Variants in AR observed in about 807,000 individuals in gnomAD.
AR encodes the protein androgen receptor.
In AR, 8 loss-of-function variants were observed where a neutral mutation model predicts 53.9. The ratio of observed to expected loss-of-function variants is 0.15; its 90% CI spans 0.09 to 0.27. The LOEUF is 0.27. Among genes scored for constraint, AR ranks in the 10% least tolerant of loss-of-function variants. The pLI is 1.00. For synonymous variants in AR, 359 were observed against 316.4 expected (o/e 1.13, Z -1.43); for missense variants, 639 against 742.5 (o/e 0.86, Z 1.62).
At chrX:67,621,603 G>A (rs964618920) in intron 1 of AR, among the ~76,000 whole-genome samples, 1 of 110,835 alleles carries the variant, frequency 9.0e-6, no homozygotes, top group Non-Finnish European at 1.9e-5. Flanking sequence ...GTGAGAACGT[G>A]CAGTGTTTGG....
intron 5 of AR, among the ~76,000 whole-genome samples, chrX:67,720,358 T>A (rs1350382689): frequency 9.2e-6 from 1 of 109,066 alleles, no homozygotes; most frequent in Non-Finnish European, 1.9e-5. Flanking sequence ...CTTTCCTCCA[T>A]TCCCCACTTT....
chrX:67,691,395 A>G (rs1440505745), intron 3 of AR, among the ~76,000 whole-genome samples: 2 of 112,015 alleles, frequency 1.8e-5, no homozygotes, highest in African/African-American at 3.2e-5. Flanking sequence ...TATGATTTCT[A>G]TTGTCAAATA....
chrX:67,710,083 CGTGT>C (rs760335443), intron 3 of AR, among the ~76,000 whole-genome samples: 4 of 106,489 alleles, frequency 3.8e-5, no homozygotes, highest in Admixed American at 2.0e-4. Context: ...TGTGAGTGTG[CGTGT>C]GTGTGTGTGT....
intron 1 of AR, among the ~76,000 whole-genome samples, chrX:67,581,883 G>A (rs1922315005): frequency 1.8e-5 from 2 of 111,046 alleles, no homozygotes; most frequent in African/African-American, 6.5e-5. Flanking sequence ...CTCTAGGAAG[G>A]GAGAATGTGA....
At chrX:67,684,682 A>G (rs2075955882) in intron 2 of AR, among the ~76,000 whole-genome samples, 1 of 111,997 alleles carries the variant, frequency 8.9e-6, no homozygotes, top group Admixed American at 9.5e-5. Flanking sequence ...TTACTACAAT[A>G]AAACTAATCT....
intron 1 of AR, among the ~76,000 whole-genome samples, chrX:67,622,419 G>A (rs916088992): frequency 1.8e-5 from 2 of 111,728 alleles, no homozygotes; most frequent in Non-Finnish European, 3.8e-5. Context: ...ATTTATGAGA[G>A]TGATTCCAGG....
intron 1 of AR, among the ~76,000 whole-genome samples, chrX:67,601,113 A>G (rs1427851687): frequency 1.8e-5 from 2 of 112,245 alleles, no homozygotes; most frequent in Admixed American, 9.5e-5. Flanking sequence ...ATTTCTGGCA[A>G]ACTTGTTGAC....
chrX:67,625,560 T>C (rs963367631), intron 1 of AR, among the ~76,000 whole-genome samples: 5 of 111,555 alleles, frequency 4.5e-5, no homozygotes, highest in African/African-American at 1.3e-4. Flanking sequence ...GACAAACAGA[T>C]CAATAAATGG....
At chrX:67,624,363 G>A (rs1430139285) in intron 1 of AR, among the ~76,000 whole-genome samples, 1 of 111,900 alleles carries the variant, frequency 8.9e-6, no homozygotes, top group Non-Finnish European at 1.9e-5. Flanking sequence ...AACAAGTCCT[G>A]TAACAAAACT....
At chrX:67,677,590 T>A (rs1184254775) in intron 2 of AR, among the ~76,000 whole-genome samples, 2 of 112,106 alleles carry the variant, frequency 1.8e-5, no homozygotes, top group African/African-American at 6.5e-5. Flanking sequence ...GAATATAGCC[T>A]CTTATAAATC....
chrX:67,639,265 T>C (rs1000150253), intron 1 of AR, among the ~76,000 whole-genome samples: 24 of 112,184 alleles, frequency 2.1e-4, no homozygotes, highest in Non-Finnish European at 4.3e-4. Context: ...CCTCCAGCTT[T>C]GTGCTTTTGG....
intron 1 of AR, among the ~76,000 whole-genome samples, chrX:67,630,291 C>G (rs1306570279): frequency 4.4e-4 from 49 of 111,200 alleles, no homozygotes; most frequent in Middle Eastern, 4.7e-3. Flanking sequence ...TTGTAGGTCA[C>G]TAAGGACTTG....
Position 67,545,318 on chromosome X carries a change from CAG to C in AR, c.173_174del (p.Gln58ProfsTer25). On this transcript the variant is annotated frameshift_variant, in exon 1 of 8. Coordinates refer to ENST00000374690, the MANE Select transcript of AR (RefSeq NM_000044.6). LOFTEE classifies it high-confidence loss of function. ...APPGASLLLL[Q>X]QQQQQQQQQQ... ...TCCCGGCGCCAGTTTGCTGCTGCTGCAGCAGCAGCAGCAGCAGCAGCAGCAGC... is the reference window on the plus strand; with the variant it reads ...TCCCGGCGCCAGTTTGCTGCTGCTGCCAGCAGCAGCAGCAGCAGCAGCAGC... The C allele has an allele frequency of 2.7e-6, 1 of 371,826 alleles. No homozygotes were observed. The highest frequency in any genetic ancestry group is 3.6e-6 in the Non-Finnish European group (1 of 274,387). 30.6% of individuals were successfully genotyped at this position (371,826 alleles called of 1,213,427 possible).
intron 3 of AR, among the ~76,000 whole-genome samples, chrX:67,698,058 C>T (rs1320690981): frequency 8.9e-6 from 1 of 111,903 alleles, no homozygotes; most frequent in Non-Finnish European, 1.9e-5. Context: ...GAGGCTAAGT[C>T]TTGCCCAAAG....
At chrX:67,705,630 C>T (rs1295913652) in intron 3 of AR, among the ~76,000 whole-genome samples, 1 of 111,261 alleles carries the variant, frequency 9.0e-6, no homozygotes, top group African/African-American at 3.3e-5. Context: ...AATTGAATAC[C>T]CTTTATTTCT....
intron 1 of AR, among the ~76,000 whole-genome samples, chrX:67,562,776 C>A (rs760805464): frequency 9.0e-6 from 1 of 111,384 alleles, no homozygotes; most frequent in African/African-American, 3.3e-5. Flanking sequence ...TCTAGCACGG[C>A]CACATAACAT....
chrX:67,552,241 A>G (rs1216335893), intron 1 of AR, among the ~76,000 whole-genome samples: 2 of 112,188 alleles, frequency 1.8e-5, no homozygotes, highest in African/African-American at 6.5e-5. Context: ...GGATGTGCTT[A>G]TTCTAACATT....
At chrX:67,643,465 G>C (rs1602221026) in intron 2 of AR, 58 bp downstream of exon 2, 1 of 1,146,495 alleles carries the variant, frequency 8.7e-7, no homozygotes, top group Non-Finnish European at 1.2e-6. Flanking sequence ...TCCAGAGAGA[G>C]ACACTAACCT....
intron 3 of AR, among the ~76,000 whole-genome samples, chrX:67,704,345 G>T (rs902936271): frequency 8.9e-6 from 1 of 112,100 alleles, no homozygotes; most frequent in Non-Finnish European, 1.9e-5. Flanking sequence ...ATTCTAACTG[G>T]TGTGAGATGG....
Sources: gnomAD v4.1 joint callset for allele counts (sites outside exome capture counted in the v4.1 genomes callset) on GRCh38, gnomAD v4.1.1 for gene constraint, MANE v1.5 for transcripts, NCBI Gene and HGNC (gene_info 2026-07-23, HGNC 2026-07-21) for gene names.